The following DAPK3 variants were observed in gnomAD, a reference collection of about 807,000 sequenced individuals.
The protein encoded by DAPK3 is death-associated protein kinase 3.
DAPK3 carries 24 observed loss-of-function variants against 30.6 expected under a neutral mutation model. That is an observed-to-expected ratio of 0.78 (90% CI 0.57 to 1.10). DAPK3 has a LOEUF of 1.10. Among genes scored for constraint, DAPK3 ranks in the 50% least tolerant of loss-of-function variants. The probability of loss-of-function intolerance (pLI) is 0.00; values close to 1 mark genes in which losing one functional copy is unlikely to be tolerated. For missense variants in DAPK3, 629 were observed against 657.3 expected (o/e 0.96, Z 0.47); for synonymous variants, 341 against 284.0 (o/e 1.20, Z -2.02).
In DAPK3 at chr19:3,964,979, C is replaced by T. The variant is rs751620509; in HGVS notation, c.75G>A (p.Ala25=). The T allele has an allele frequency of 8.1e-6, 13 of 1,599,866 alleles. No individual in the cohort carries two copies. Among genetic ancestry groups the T allele is most frequent in the Middle Eastern group, 3.3e-4 (2 of 6,032 alleles). The change falls in exon 3 of 9, where the codon GCG becomes GCA. Residue 25 remains alanine, a synonymous_variant. Transcript: ENST00000545797. The part of the protein sequence containing the change: ...MGEELGSGQF[A]IVRKCRQKGT... ...CCTTCTGCCGGCACTTCCGCACGAT[C>T]GCAAACTGGCCGCTGGAGGAGGGGG...
At chr19:3,967,448 G>A (rs1269381388) in intron 2 of DAPK3, among the ~76,000 whole-genome samples, 4 of 145,662 alleles carry the variant, frequency 2.7e-5, no homozygotes, top group African/African-American at 7.7e-5. Flanking sequence ...GCAAGACTCC[G>A]TCTCAAAAAA....
intron 6 of DAPK3, among the ~76,000 whole-genome samples, chr19:3,962,843 G>A (rs540828477): frequency 6.7e-5 from 10 of 149,866 alleles, no homozygotes; most frequent in African/African-American, 2.0e-4. Context: ...GCCCACGCCT[G>A]TAATCCCAGC....
At chr19:3,962,568 G>C (rs1050768700) in intron 6 of DAPK3, among the ~76,000 whole-genome samples, 2 of 152,114 alleles carry the variant, frequency 1.3e-5, no homozygotes, top group African/African-American at 2.4e-5. Flanking sequence ...TTGAGGTCTG[G>C]AGTTCAAGAC....
intron 2 of DAPK3, among the ~76,000 whole-genome samples, chr19:3,965,343 G>A (rs1026790202): frequency 5.3e-5 from 8 of 152,228 alleles, no homozygotes; most frequent in African/African-American, 1.4e-4. Context: ...GGGGCCAGGC[G>A]CGGTGGCTCA....
At position 3,959,993 on chromosome 19, in the gene DAPK3, C is replaced by T. The variant is rs779025351; in HGVS notation, c.828+66G>A. On this transcript the variant is annotated intron_variant, in intron 8 of 8. Coordinates refer to ENST00000545797, the MANE Select transcript of DAPK3 (RefSeq NM_001348.3). Reference sequence around the variant, plus strand: ...TCCACAAGCCTTAAATGCTGAAGGCCCCCCGGGACCCCAGCGAGAAGGCCA... The same window carrying T: ...TCCACAAGCCTTAAATGCTGAAGGCTCCCCGGGACCCCAGCGAGAAGGCCA... 1.9e-5 allele frequency: 17 copies of T among 903,260 alleles called. 1 individual carries two copies. The highest frequency in any genetic ancestry group is 1.8e-4 in the South Asian group (14 of 76,432). 56.0% of individuals were successfully genotyped at this position (903,260 alleles called of 1,614,324 possible).
chr19:3,968,639 C>A (rs941667153), intron 2 of DAPK3, among the ~76,000 whole-genome samples: 7 of 152,112 alleles, frequency 4.6e-5, no homozygotes, highest in Non-Finnish European at 1.0e-4. Flanking sequence ...TGCCAAACGA[C>A]CCCTAGCAGG....
At position 3,964,292 on chromosome 19, in the gene DAPK3, C is replaced by T. The variant is rs752515134; in HGVS notation, c.505G>A (p.Glu169Lys). 7 of 1,613,646 alleles carry T rather than the reference C, an allele frequency of 4.3e-6. No individual in the cohort carries two copies. Among genetic ancestry groups the T allele is most frequent in the East Asian group, 2.2e-5 (1 of 44,860 alleles). Residue 169 changes from glutamate to lysine, a missense_variant, in exon 4 of 9, where the codon GAG (glutamate) becomes AAG (lysine). Coordinates refer to ENST00000545797, the MANE Select transcript of DAPK3 (RefSeq NM_001348.3). ...ATGTTCTTGAACTCGTTCCCCGCCT[C>T]GATCTTGTGCGCGATGCCGAAGTCG... is the stretch of plus-strand genomic sequence containing the variant. The part of the protein sequence containing the change: ...LIDFGIAHKI[E>K]AGNEFKNIFG...
intron 6 of DAPK3, among the ~76,000 whole-genome samples, chr19:3,963,318 G>A (rs1390409464): frequency 2.0e-5 from 3 of 152,134 alleles, no homozygotes; most frequent in East Asian, 3.9e-4. Flanking sequence ...AGGGACAGGA[G>A]CCAAAACCCA....
At chr19:3,970,000 C>T (rs2145345439) in intron 1 of DAPK3, 171 bp from the exon 2 acceptor site, 1 of 513,636 alleles carries the variant, frequency 1.9e-6, no homozygotes. Context: ...GTCATGTCAC[C>T]TCTTAGAGCC....
chr19:3,962,051 G>A (rs905075859), intron 6 of DAPK3, among the ~76,000 whole-genome samples: 1 of 152,102 alleles, frequency 6.6e-6, no homozygotes, highest in Non-Finnish European at 1.5e-5. Flanking sequence ...TAGAGACATG[G>A]TTTCATCGTG....
Position 3,964,798 on chromosome 19 carries a change from T to C in DAPK3, c.256A>G (p.Lys86Glu). 1.9e-6 allele frequency: 3 copies of C among 1,612,154 alleles called. No homozygotes were observed. The highest frequency in any genetic ancestry group is 2.5e-6 in the Non-Finnish European group (3 of 1,178,460). ...TCCAGGATGAGGACCACGTCCGTCT[T>C]GTTCTCGAAGATGTCGTGCAGGGTG... ...IITLHDIFENKTDVVLILELV... is the reference protein window; with the variant it reads ...IITLHDIFENETDVVLILELV... The change falls in exon 3 of 9, where the codon AAG becomes GAG. Residue 86 changes from lysine to glutamate, a missense_variant. Lys to Glu is a moderately conservative substitution (Grantham distance 56, BLOSUM62 1). This residue lies in a region of DAPK3 where 306 missense variants were observed against 378.5 expected (regional missense o/e 0.81). Transcript: ENST00000545797.
At chr19:3,970,399 C>T (rs140865056) in intron 1 of DAPK3, among the ~76,000 whole-genome samples, 1 of 152,068 alleles carries the variant, frequency 6.6e-6, no homozygotes, top group African/African-American at 2.4e-5. Context: ...TGCTGCCATT[C>T]CGATCAAAAT....
chr19:3,970,556 G>C (rs892868971), intron 1 of DAPK3: 1 of 145,488 alleles, frequency 6.9e-6, no homozygotes, highest in African/African-American at 2.6e-5. Flanking sequence ...CGCCTTCCAC[G>C]CTCCTGAAAG....
At chr19:3,962,410 G>A (rs2039526464) in intron 6 of DAPK3, among the ~76,000 whole-genome samples, 2 of 152,260 alleles carry the variant, frequency 1.3e-5, no homozygotes, top group South Asian at 2.1e-4. Context: ...TTATTTCCTT[G>A]CTTACTGAAT....
At position 3,964,239 on chromosome 19, in the gene DAPK3, C is replaced by A. The variant is rs1306729174; in HGVS notation, c.553+5G>T. ...GCCGGGGCTGCCCACTGGGCAGGGC[C>A]TCACCCACAAACTCCGGGGTGCCGA... On this transcript the variant is annotated splice_donor_5th_base_variant and intron_variant, in intron 4 of 8. Coordinates refer to ENST00000545797, the MANE Select transcript of DAPK3 (RefSeq NM_001348.3). The A allele has an allele frequency of 2.5e-6, 4 of 1,607,492 alleles. No homozygotes were observed. The highest frequency in any genetic ancestry group is 2.6e-6 in the Non-Finnish European group (3 of 1,175,610).
In DAPK3 at chr19:3,965,031, G is replaced by A. The variant is rs549150784; in HGVS notation, c.63-40C>T. ...GGGAGTGAGTGGGGGTGGAGGAGGC[G>A]GAGGGAGTAAGTGGGGGTGGCTGGC... On this transcript the variant is annotated intron_variant, in intron 2 of 8. Coordinates refer to ENST00000545797, the MANE Select transcript of DAPK3 (RefSeq NM_001348.3). 2.0e-4 allele frequency: 241 copies of A among 1,175,658 alleles called. 5 individuals carry two copies. The South Asian group carries it at 2.5e-3, about 12-fold the overall frequency. 72.8% of individuals were successfully genotyped at this position (1,175,658 alleles called of 1,614,324 possible). A position where few individuals can be genotyped will look rare whatever the true frequency, so the allele number is the denominator to read the frequency against.
At chr19:3,962,610 T>C (rs1324059415) in intron 6 of DAPK3, among the ~76,000 whole-genome samples, 1 of 151,988 alleles carries the variant, frequency 6.6e-6, no homozygotes, top group Non-Finnish European at 1.5e-5. Context: ...ACATCGTCTC[T>C]ACTAAAAATA....
rs752425191 is a variant in DAPK3 at position 3,964,377 on chromosome 19, G to A, written c.424-4C>T. 5 of 1,610,828 alleles carry A rather than the reference G, an allele frequency of 3.1e-6. No individual in the cohort carries two copies. The South Asian group carries it at 4.4e-5, about 14-fold the overall frequency. ...CCAGCAGCATGATGTTTTCCGGCTG[G>A]GGTGGGAGGAGGCTCAGCAGGGAAA... is the stretch of plus-strand genomic sequence containing the variant. On this transcript the variant is annotated splice_region_variant and splice_polypyrimidine_tract_variant and intron_variant, in intron 3 of 8. Coordinates refer to ENST00000545797, the MANE Select transcript of DAPK3 (RefSeq NM_001348.3).
intron 3 of DAPK3, 72 bp from the exon 4 acceptor site, chr19:3,964,445 C>T (rs762234722): frequency 3.9e-5 from 40 of 1,021,314 alleles, no homozygotes; most frequent in Non-Finnish European, 5.2e-5. Context: ...CCCCAAACCT[C>T]ACCCTCACGC....
Sources: gnomAD v4.1 joint callset for allele counts (sites outside exome capture counted in the v4.1 genomes callset) on GRCh38, gnomAD v4.1.1 for gene constraint, gnomAD v4.1.1 regional missense constraint, MANE v1.5 for transcripts, NCBI Gene and HGNC (gene_info 2026-07-23, HGNC 2026-07-21) for gene names.